The following HERC2 variants were observed in gnomAD, a reference collection of about 807,000 sequenced individuals.
HERC2 encodes the protein HECT and RLD domain containing E3 ubiquitin protein ligase 2.
In HERC2, 102 loss-of-function variants were observed where a neutral mutation model predicts 537.7. The observed-to-expected ratio is 0.19, with a 90% CI of 0.16 to 0.22. The LOEUF (loss-of-function observed/expected upper bound fraction) is 0.22, where lower values mean the gene tolerates loss of function less well. Ranked by LOEUF, HERC2 falls within the 10% of genes least tolerant of loss-of-function variation. The pLI, the probability that HERC2 is intolerant of heterozygous loss-of-function variation, is 1.00. For synonymous variants in HERC2, 2,224 were observed against 2,466.2 expected, an observed-to-expected ratio of 0.90 and a Z score of 2.91; for missense variants, 4,236 against 6,198.2, an observed-to-expected ratio of 0.68 and a Z score of 10.63.
At position 28,196,277 on chromosome 15, in the gene HERC2, T is replaced by A. The variant is rs202137777; in HGVS notation, c.8198A>T (p.Glu2733Val). ...CRNCDDFDFC[E>V]TCFKTKKHNT... ...GTGTTTTTTGGTCTTGAAACACGTT[T>A]CACAAAAATCAAAGTCATCACAGTT... The change falls in exon 52 of 93, where the codon GAA becomes GTA. Residue 2733 changes from glutamate (E) to valine (V), a missense_variant. Physicochemically the swap from Glu to Val is moderately radical, Grantham distance 121. Transcript: ENST00000261609. The A allele has an allele frequency of 1.1e-4, 158 of 1,469,272 alleles. No individual in the cohort carries two copies. Among genetic ancestry groups the A allele is most frequent in the Non-Finnish European group, 2.8e-5 (30 of 1,062,624 alleles). The allele number at this position is 1,469,272 out of a possible 1,614,324, so 91.0% of individuals were successfully genotyped here. A position where few individuals can be genotyped will look rare whatever the true frequency, so the allele number is the denominator to read the frequency against.
chr15:28,176,361 G>T lies in HERC2; in HGVS notation c.9686+67C>A. ...CAATCACGCCGGGTGAGCCTGGGGC[G>T]AGGCCCAGGTTCCCTGCACACACCT... is the stretch of plus-strand genomic sequence containing the variant. On this transcript the variant is annotated intron_variant, in intron 63 of 92. Coordinates refer to ENST00000261609, the MANE Select transcript of HERC2 (RefSeq NM_004667.6). The surrounding 1 kb of genome is among the most constrained non-coding windows in gnomAD (Gnocchi z 5.0). 6.7e-7 allele frequency: 1 copy of T among 1,484,814 alleles called. No individual in the cohort carries two copies. The highest frequency in any genetic ancestry group is 1.4e-5 in the African/African-American group (1 of 72,218). The allele number at this position is 1,484,814 out of a possible 1,614,324, so 92.0% of individuals were successfully genotyped here.
chr15:28,305,382 C>A (rs946618900), intron 2 of HERC2, among the ~76,000 whole-genome samples: 1 of 150,770 alleles, frequency 6.6e-6, no homozygotes, highest in Admixed American at 6.6e-5. Context: ...CGCATACCTA[C>A]AACTATCTGA....
intron 2 of HERC2, among the ~76,000 whole-genome samples, chr15:28,301,241 C>A (rs1404430320): frequency 2.0e-5 from 3 of 152,000 alleles, no homozygotes; most frequent in African/African-American, 7.2e-5. Context: ...ATGCCGAAAC[C>A]CCATCTCTTC....
At chr15:28,179,252 AAAG>A in intron 57 of HERC2, 29 bp from the exon 58 acceptor site, 1 of 1,508,166 alleles carries the variant, frequency 6.6e-7, no homozygotes, top group Non-Finnish European at 9.0e-7. Flanking sequence ...AACAAAAAAA[AAAG>A]AAAAGAAAAT....
intron 14 of HERC2, among the ~76,000 whole-genome samples, chr15:28,264,422 G>C (rs1185528983): frequency 6.6e-6 from 1 of 152,182 alleles, no homozygotes; most frequent in Non-Finnish European, 1.5e-5. Flanking sequence ...ATCGGAGCAT[G>C]CATTTCCATA....
At chr15:28,160,395 C>T (rs533590028) in intron 69 of HERC2, among the ~76,000 whole-genome samples, 2 of 152,328 alleles carry the variant, frequency 1.3e-5, no homozygotes, top group East Asian at 1.9e-4. Flanking sequence ...TTTCAGCTTC[C>T]GGGCCGCTTT....
chr15:28,197,123 T>C (rs1897415703), intron 50 of HERC2, among the ~76,000 whole-genome samples: 1 of 152,254 alleles, frequency 6.6e-6, no homozygotes, highest in African/African-American at 2.4e-5. Flanking sequence ...ATAATCCATT[T>C]GTTTTTATGT....
At chr15:28,259,921 T>C (rs887771124) in intron 16 of HERC2, among the ~76,000 whole-genome samples, 4 of 148,688 alleles carry the variant, frequency 2.7e-5, no homozygotes, top group South Asian at 2.1e-4. Flanking sequence ...AGAGCTGAGA[T>C]TGCACCAATG....
At chr15:28,186,826 G>T in intron 55 of HERC2, 74 bp from the exon 56 acceptor site, 1 of 1,072,834 alleles carries the variant, frequency 9.3e-7, no homozygotes, top group Non-Finnish European at 1.4e-6. Flanking sequence ...AGAACGGGAT[G>T]TGTGAGACAC....
chr15:28,292,340 T>A (rs745353929), intron 4 of HERC2, among the ~76,000 whole-genome samples: 2 of 151,340 alleles, frequency 1.3e-5, no homozygotes, highest in Non-Finnish European at 2.9e-5. Context: ...GCATGACTAC[T>A]CAACAGGGAA....
At chr15:28,148,949 C>CA (rs1254258295) in intron 70 of HERC2, among the ~76,000 whole-genome samples, 4 of 150,592 alleles carry the variant, frequency 2.7e-5, no homozygotes, top group African/African-American at 9.8e-5. Flanking sequence ...CGAGAACGGC[C>CA]ACACCAACAT....
intron 78 of HERC2, among the ~76,000 whole-genome samples, chr15:28,140,926 G>A (rs947384326): frequency 2.0e-5 from 3 of 151,576 alleles, no homozygotes; most frequent in South Asian, 4.2e-4. Context: ...CATACATGAC[G>A]TATTTTCAAA....
chr15:28,121,494 A>T (rs1469050912), intron 85 of HERC2, 65 bp from the exon 86 acceptor site: 1 of 1,291,014 alleles, frequency 7.7e-7, no homozygotes, highest in Non-Finnish European at 1.1e-6. Context: ...TGAAGAAATC[A>T]TCACATAGTT....
intron 78 of HERC2, among the ~76,000 whole-genome samples, chr15:28,137,002 C>A (rs567516609): frequency 4.7e-4 from 67 of 141,332 alleles, no homozygotes; most frequent in African/African-American, 1.5e-3. Context: ...TTAGCTAACT[C>A]AAAAAAAAAA....
chr15:28,263,309 T>C, intron 14 of HERC2, 140 bp from the exon 15 acceptor site: 3 of 830,238 alleles, frequency 3.6e-6, no homozygotes, highest in South Asian at 1.9e-5. Flanking sequence ...GGGTGGCTAC[T>C]GAGCAAACGA....
intron 49 of HERC2, 30 bp from the exon 50 acceptor site, chr15:28,198,533 T>A (rs1897577916): frequency 5.6e-6 from 9 of 1,611,502 alleles, no homozygotes; most frequent in Non-Finnish European, 7.6e-6. Context: ...ATCATTATAA[T>A]CAATATTCAT....
rs1339079820 is a variant in HERC2 at position 28,113,552 on chromosome 15, C to G, written c.14019+21G>C. 3 of 1,605,122 alleles carry G rather than the reference C, an allele frequency of 1.9e-6. No homozygotes were observed. The highest frequency in any genetic ancestry group is 2.6e-6 in the Non-Finnish European group (3 of 1,172,056). ...AGGCAAAAGGCAGCTGCAGGGCAGC[C>G]CCACCTGGGGGTCGGCATACCATCG... is the stretch of plus-strand genomic sequence containing the variant. On this transcript the variant is annotated intron_variant, in intron 91 of 92. Coordinates refer to ENST00000261609, the MANE Select transcript of HERC2 (RefSeq NM_004667.6). This position sits in a 1 kb window ranked among gnomAD's most constrained non-coding sequence, Gnocchi z 7.0.
In HERC2 at chr15:28,274,350, G is replaced by C. The variant is rs779345449; in HGVS notation, c.741C>G (p.Ser247=). The part of the protein sequence containing the change: ...EASLFDESTV[S]SVWLEVVERA... ...TCTCCACCACCTCCAGCCACACAGA[G>C]GACACGGTGCTCTCGTCAAAGAGCG... is the stretch of plus-strand genomic sequence containing the variant. Residue 247 remains serine, a synonymous_variant, in exon 7 of 93, where the codon TCC becomes TCG. Transcript: ENST00000261609. The C allele has an allele frequency of 4.3e-6, 7 of 1,614,110 alleles. No individual in the cohort carries two copies. The African/African-American group carries it at 6.7e-5, about 15-fold the overall frequency.
At chr15:28,259,356 A>G (rs915006267) in intron 16 of HERC2, among the ~76,000 whole-genome samples, 6 of 152,116 alleles carry the variant, frequency 3.9e-5, no homozygotes, top group African/African-American at 1.2e-4. Context: ...CGGCCTCCCA[A>G]CGTGCTGGGA....
Sources: gnomAD v4.1 joint callset for allele counts (sites outside exome capture counted in the v4.1 genomes callset) on GRCh38, gnomAD v4.1.1 for gene constraint, Gnocchi (gnomAD v3.1) non-coding constraint, MANE v1.5 for transcripts, NCBI Gene and HGNC (gene_info 2026-07-23, HGNC 2026-07-21) for gene names.